Variants in USP13 observed in about 807,000 individuals in gnomAD.
USP13 encodes ubiquitin specific peptidase 13.
A neutral mutation model predicts 107.8 loss-of-function variants in USP13; 68 were observed. The observed-to-expected ratio is 0.63, with a 90% CI of 0.52 to 0.77. The LOEUF is 0.77. Ranked by LOEUF, USP13 falls within the 30% of genes least tolerant of loss-of-function variation. The pLI is 0.00. For synonymous variants in USP13, 377 were observed against 389.5 expected (o/e 0.97, Z 0.38); for missense variants, 945 against 1,093.3 (o/e 0.86, Z 1.91).
rs777565257 is a variant in USP13, at chr3:179,761,163, C to T, written c.2000C>T (p.Pro667Leu). Reference protein sequence around the residue: ...SVMQLAEMGFPLEACRKAVYF... With the variant: ...SVMQLAEMGFLLEACRKAVYF... ...ATGCAGCTGGCCGAGATGGGTTTCC[C>T]GCTGGAAGCATGTCGCAAGGCTGTG... Residue 667 changes from proline to leucine, a missense_variant, in exon 17 of 21, where the codon CCG (proline) becomes CTG (leucine). Physicochemically the swap from Pro to Leu is moderately conservative, Grantham distance 98. Transcript: ENST00000263966. The T allele has an allele frequency of 1.2e-5, 20 of 1,614,024 alleles. No homozygotes were observed. The highest frequency in any genetic ancestry group is 1.7e-5 in the Admixed American group (1 of 59,990).
At chr3:179,698,870 T>C (rs1456564978) in intron 3 of USP13, among the ~76,000 whole-genome samples, 6 of 85,298 alleles carry the variant, frequency 7.0e-5, no homozygotes, top group Non-Finnish European at 5.6e-5. Context: ...GGTTGAATAC[T>C]ATTTTTTTTT....
At chr3:179,736,353 A>G (rs1365164061) in intron 10 of USP13, among the ~76,000 whole-genome samples, 1 of 152,200 alleles carries the variant, frequency 6.6e-6, no homozygotes, top group Non-Finnish European at 1.5e-5. Flanking sequence ...ACTAGGTGTG[A>G]AGTGAGCATA....
At chr3:179,718,757 A>ATTTCT (rs1186423449) in intron 6 of USP13, among the ~76,000 whole-genome samples, 1 of 151,408 alleles carries the variant, frequency 6.6e-6, no homozygotes, top group Admixed American at 6.6e-5. Context: ...AAGATTCTGC[A>ATTTCT]TTTCTTTTCT....
chr3:179,653,451 C>A lies in USP13; in HGVS notation c.168+58C>A. Reference sequence around the variant, plus strand: ...GCCGGCGGCCTGCGGCACGTGAAGCCGGGGGAGAAGATGCGCAGTGGCGGC... The same window carrying A: ...GCCGGCGGCCTGCGGCACGTGAAGCAGGGGGAGAAGATGCGCAGTGGCGGC... On this transcript the variant is annotated intron_variant, in intron 1 of 20. Transcript: ENST00000263966. The surrounding 1 kb of genome is among the most constrained non-coding windows in gnomAD (Gnocchi z 4.0). The A allele has an allele frequency of 1.3e-6, 2 of 1,524,620 alleles. No individual in the cohort carries two copies. Among genetic ancestry groups the A allele is most frequent in the Non-Finnish European group, 1.8e-6 (2 of 1,131,584 alleles). 94.4% of individuals were successfully genotyped at this position (1,524,620 alleles called of 1,614,324 possible).
intron 4 of USP13, among the ~76,000 whole-genome samples, chr3:179,706,134 G>A (rs1712707545): frequency 6.6e-6 from 1 of 152,202 alleles, no homozygotes; most frequent in Admixed American, 6.5e-5. Context: ...GAATGGCTGG[G>A]TCATGCGATA....
chr3:179,665,058 G>T (rs540934760), intron 1 of USP13, among the ~76,000 whole-genome samples: 1 of 152,234 alleles, frequency 6.6e-6, no homozygotes, highest in Admixed American at 6.5e-5. Flanking sequence ...TTGCACTCCA[G>T]CCTGGGCAAC....
Position 179,653,463 on chromosome 3 carries a change from T to C in USP13, c.168+70T>C. Reference sequence around the variant, plus strand: ...CGGCACGTGAAGCCGGGGGAGAAGATGCGCAGTGGCGGCCGGGACCTCTTC... The same window carrying C: ...CGGCACGTGAAGCCGGGGGAGAAGACGCGCAGTGGCGGCCGGGACCTCTTC... On this transcript the variant is annotated intron_variant, in intron 1 of 20. Coordinates refer to ENST00000263966, the MANE Select transcript of USP13 (RefSeq NM_003940.3). This position sits in a 1 kb window ranked among gnomAD's most constrained non-coding sequence, Gnocchi z 4.0. The C allele has an allele frequency of 6.6e-7, 1 of 1,513,830 alleles. No homozygotes were observed. Among genetic ancestry groups the C allele is most frequent in the Non-Finnish European group, 8.9e-7 (1 of 1,125,804 alleles). The allele number at this position is 1,513,830 out of a possible 1,614,324, so 93.8% of individuals were successfully genotyped here.
At chr3:179,672,820 G>A (rs1355166782) in intron 1 of USP13, among the ~76,000 whole-genome samples, 1 of 152,204 alleles carries the variant, frequency 6.6e-6, no homozygotes, top group Non-Finnish European at 1.5e-5. Flanking sequence ...GATTTTGGAT[G>A]TCAAAGTCTT....
chr3:179,704,671 T>C (rs933154966), intron 4 of USP13, among the ~76,000 whole-genome samples: 3 of 152,182 alleles, frequency 2.0e-5, no homozygotes, highest in East Asian at 1.9e-4. Flanking sequence ...AGCTCTATTT[T>C]CTATGGGCAT....
At chr3:179,774,048 G>C (rs1392570551) in intron 19 of USP13, among the ~76,000 whole-genome samples, 1 of 152,220 alleles carries the variant, frequency 6.6e-6, no homozygotes, top group Non-Finnish European at 1.5e-5. Context: ...GAGTATACAA[G>C]AAGCACAGTG....
At position 179,684,270 on chromosome 3, in the gene USP13, TACACACACACACAC is replaced by T. The variant is rs58817778; in HGVS notation, c.294+2297_294+2310del. ...CACCACGCCTGGCAGTATCACCCTT[TACACACACACACAC>T]ACACACACACACACACACACACACA... On this transcript the variant is annotated intron_variant, in intron 2 of 20. Transcript: ENST00000263966. Among the ~76,000 whole-genome samples the T allele has an allele frequency of 6.9e-5, 8 of 116,024 alleles. No homozygotes were observed. In the East Asian group the frequency reaches 1.3e-3, roughly 20 times the overall value. 76.1% of individuals were successfully genotyped at this position (116,024 alleles called of 152,430 possible). A position where few individuals can be genotyped will look rare whatever the true frequency, so the allele number is the denominator to read the frequency against.
Position 179,785,949 on chromosome 3 carries a change from A to C in USP13, c.*1808A>C, listed in dbSNP as rs751897480. ...GATTGGTTACAGTGAACCTTCAATG[A>C]GTAGAATGTGGTATGCCATGGTGGG... On this transcript the variant is annotated 3_prime_UTR_variant, in exon 21 of 21. Transcript: ENST00000263966. 2.6e-5 allele frequency: 4 copies of C among 152,246 alleles called. No individual in the cohort carries two copies. Among genetic ancestry groups the C allele is most frequent in the Admixed American group, 1.3e-4 (2 of 15,276 alleles). The allele number at this position is 152,246 out of a possible 1,614,324, so 9.4% of individuals were successfully genotyped here. A position where few individuals can be genotyped will look rare whatever the true frequency, so the allele number is the denominator to read the frequency against.
intron 3 of USP13, 149 bp downstream of exon 3, chr3:179,690,450 T>G (rs1356862944): frequency 1.5e-6 from 1 of 664,508 alleles, no homozygotes; most frequent in African/African-American, 1.8e-5. Context: ...CGCCTCCACT[T>G]TGCGTTTACC....
Position 179,787,775 on chromosome 3 carries a change from T to C in USP13, c.*3634T>C, listed in dbSNP as rs1034960094. 1.3e-5 allele frequency: 2 copies of C among 152,336 alleles called. No homozygotes were observed. The highest frequency in any genetic ancestry group is 2.9e-5 in the Non-Finnish European group (2 of 68,124). 9.4% of individuals were successfully genotyped at this position (152,336 alleles called of 1,614,324 possible). ...CGCCACTACGCCCAGCTAATTTTTG[T>C]ATTTTTAGTAGAGACAGGGTTTTGC... On this transcript the variant is annotated 3_prime_UTR_variant, in exon 21 of 21. Transcript: ENST00000263966.
In USP13 at chr3:179,721,407, G is replaced by T. The variant is rs757214808; in HGVS notation, c.906G>T (p.Glu302Asp). 6.2e-7 allele frequency: 1 copy of T among 1,613,358 alleles called. No individual in the cohort carries two copies. Among genetic ancestry groups the T allele is most frequent in the East Asian group, 2.2e-5 (1 of 44,884 alleles). Residue 302 changes from glutamate (E) to aspartate (D), a missense_variant, in exon 8 of 21, where the codon GAG (glutamate) becomes GAT (aspartate). Transcript: ENST00000263966. The surrounding 1 kb of genome is among the most constrained non-coding windows in gnomAD (Gnocchi z 4.3). Reference sequence around the variant, plus strand: ...CTTCGATGACTTTGTCTCAGACAGAGAATGGGCTCCAGGACAATGACATCA... The same window carrying T: ...CTTCGATGACTTTGTCTCAGACAGATAATGGGCTCCAGGACAATGACATCA... ...GIDMLHMHGTENGLQDNDIKL... is the reference protein window; with the variant it reads ...GIDMLHMHGTDNGLQDNDIKL...
chr3:179,745,307 G>A, intron 13 of USP13, 90 bp downstream of exon 13: 1 of 1,455,456 alleles, frequency 6.9e-7, no homozygotes. Flanking sequence ...GGTGTTATTT[G>A]TGTCTGTGTG....
intron 19 of USP13, among the ~76,000 whole-genome samples, chr3:179,777,633 G>A (rs1560084538): frequency 6.6e-6 from 1 of 150,688 alleles, no homozygotes; most frequent in Admixed American, 6.6e-5. Flanking sequence ...TTTTGTATTT[G>A]TAGAGACAGG....
intron 3 of USP13, among the ~76,000 whole-genome samples, chr3:179,693,150 T>G: frequency 6.6e-6 from 1 of 152,190 alleles, no homozygotes; most frequent in African/African-American, 2.4e-5. Context: ...GTAGGAGTTC[T>G]TTCTTTTTCG....
chr3:179,770,892 C>G (rs1190515553), intron 19 of USP13, among the ~76,000 whole-genome samples: 1 of 152,152 alleles, frequency 6.6e-6, no homozygotes, highest in Non-Finnish European at 1.5e-5. Context: ...AGGTGTGAGC[C>G]ACTGCACCCA....
Sources: allele counts gnomAD v4.1 joint callset (sites outside exome capture counted in the v4.1 genomes callset), GRCh38; gene constraint gnomAD v4.1.1; non-coding constraint Gnocchi (gnomAD v3.1); transcripts MANE v1.5; gene names NCBI Gene and HGNC (gene_info 2026-07-23, HGNC 2026-07-21).